Variants in CLVS2 observed in about 807,000 individuals in gnomAD.
CLVS2 encodes clavesin 2.
CLVS2 carries 19 observed loss-of-function variants against 29.0 expected under a neutral mutation model. That is an observed-to-expected ratio of 0.66 (90% confidence interval 0.46 to 0.96). The LOEUF (loss-of-function observed/expected upper bound fraction) is 0.96, where lower values mean the gene tolerates loss of function less well. Ranked by LOEUF, CLVS2 falls within the 40% of genes least tolerant of loss-of-function variation. The pLI, the probability that CLVS2 is intolerant of heterozygous loss-of-function variation, is 0.00. For missense variants in CLVS2, 294 were observed against 404.1 expected, an observed-to-expected ratio of 0.73 and a Z score of 2.34; for synonymous variants, 161 against 151.3, an observed-to-expected ratio of 1.06 and a Z score of -0.47.
intron 3 of CLVS2, among the ~76,000 whole-genome samples, chr6:123,031,609 C>G (rs1166486042): frequency 6.6e-6 from 1 of 152,102 alleles, no homozygotes; most frequent in Non-Finnish European, 1.5e-5. Flanking sequence ...CTGTGTCTAC[C>G]AAAACCCTAA....
At chr6:123,010,082 G>A (rs149561013) in intron 2 of CLVS2, among the ~76,000 whole-genome samples, 1 of 151,970 alleles carries the variant, frequency 6.6e-6, no homozygotes, top group Non-Finnish European at 1.5e-5. Flanking sequence ...ATTTTACTAT[G>A]TATTCAGGCT....
chr6:123,032,406 T>C (rs1280195284), intron 3 of CLVS2, among the ~76,000 whole-genome samples: 1 of 152,056 alleles, frequency 6.6e-6, no homozygotes, highest in East Asian at 1.9e-4. Flanking sequence ...TTTATAATGA[T>C]ACTTACTTTA....
intron 3 of CLVS2, among the ~76,000 whole-genome samples, chr6:123,027,022 G>T (rs1775012118): frequency 1.3e-5 from 2 of 152,120 alleles, no homozygotes; most frequent in Admixed American, 1.3e-4. Context: ...GAAACAGCAT[G>T]AGCTAAGGTA....
At chr6:123,049,422 C>T (rs1279452642) in intron 4 of CLVS2, among the ~76,000 whole-genome samples, 4 of 152,042 alleles carry the variant, frequency 2.6e-5, no homozygotes, top group Admixed American at 1.3e-4. Context: ...GTACATTTCA[C>T]TAATTCTTGC....
chr6:123,032,091 T>C (rs1336002953), intron 3 of CLVS2, among the ~76,000 whole-genome samples: 5 of 152,220 alleles, frequency 3.3e-5, no homozygotes, highest in African/African-American at 4.8e-5. Context: ...GTTGCAGCGC[T>C]AATATCCTAG....
chr6:122,997,874 G>C lies in CLVS2; in HGVS notation c.97G>C (p.Glu33Gln), dbSNP rs1231212984. ...NPDTLHQDIQEVRDMVITRPD... is the reference protein window; with the variant it reads ...NPDTLHQDIQQVRDMVITRPD... Reference sequence around the variant, plus strand: ...AGACACGCTGCACCAGGACATCCAGGAGGTGAGGGATATGGTCATCACCAG... The same window carrying C: ...AGACACGCTGCACCAGGACATCCAGCAGGTGAGGGATATGGTCATCACCAG... Residue 33 changes from glutamate (E) to glutamine (Q), a missense_variant, in exon 2 of 6, where the codon GAG (glutamate) becomes CAG (glutamine). Transcript: ENST00000275162. 3 of 1,614,080 alleles carry C rather than the reference G, an allele frequency of 1.9e-6. No individual in the cohort carries two copies. The highest frequency in any genetic ancestry group is 2.5e-6 in the Non-Finnish European group (3 of 1,180,046).
At position 122,999,353 on chromosome 6, in the gene CLVS2, AT is replaced by A. The variant is rs202217058; in HGVS notation, c.389+1194del. Among the ~76,000 whole-genome samples the A allele has an allele frequency of 3.9e-5, 6 of 151,998 alleles. No individual in the cohort carries two copies. In the East Asian group the frequency reaches 9.6e-4, roughly 24 times the overall value. On this transcript the variant is annotated intron_variant, in intron 2 of 5. Transcript: ENST00000275162. ...TTATTTTTTCTCTCATTTTATTGTG[AT>A]TTTTTTCCCTGTAATTCTAGGTTGA...
chr6:123,035,534 A>G (rs776368287), intron 3 of CLVS2, among the ~76,000 whole-genome samples: 1 of 152,156 alleles, frequency 6.6e-6, no homozygotes, highest in Non-Finnish European at 1.5e-5. Flanking sequence ...TACACTATCT[A>G]TTCTAAAAAG....
chr6:123,024,240 G>T (rs1306422629), intron 3 of CLVS2, among the ~76,000 whole-genome samples: 1 of 152,082 alleles, frequency 6.6e-6, no homozygotes, highest in African/African-American at 2.4e-5. Flanking sequence ...CTTCCATGTT[G>T]TAAGAAAATG....
intron 3 of CLVS2, among the ~76,000 whole-genome samples, chr6:123,034,253 T>C (rs1665592609): frequency 1.3e-5 from 2 of 152,134 alleles, no homozygotes; most frequent in South Asian, 4.1e-4. Context: ...CAAAAACTTG[T>C]ACACAGACAT....
intron 3 of CLVS2, among the ~76,000 whole-genome samples, chr6:123,045,146 C>T (rs1156932017): frequency 2.0e-5 from 3 of 150,596 alleles, no homozygotes; most frequent in Non-Finnish European, 3.0e-5. Context: ...TTTTGGGACA[C>T]ACACACACAC....
chr6:123,020,531 A>G (rs1450248260), intron 3 of CLVS2, among the ~76,000 whole-genome samples: 1 of 152,068 alleles, frequency 6.6e-6, no homozygotes, highest in African/African-American at 2.4e-5. Context: ...AATGAATACT[A>G]GCTGCTACAA....
chr6:123,041,165 A>C (rs1030048223), intron 3 of CLVS2, among the ~76,000 whole-genome samples: 3 of 152,142 alleles, frequency 2.0e-5, no homozygotes, highest in Admixed American at 6.6e-5. Context: ...ATAAAGAAAA[A>C]CTTGAAGGAC....
intron 3 of CLVS2, among the ~76,000 whole-genome samples, chr6:123,011,647 T>A (rs1774749055): frequency 6.6e-6 from 1 of 151,848 alleles, no homozygotes; most frequent in Non-Finnish European, 1.5e-5. Context: ...CTTCATTGGG[T>A]TTTTTTGTGA....
chr6:123,062,012 C>T (rs1772786914), intron 5 of CLVS2, among the ~76,000 whole-genome samples: 1 of 152,082 alleles, frequency 6.6e-6, no homozygotes, highest in Non-Finnish European at 1.5e-5. Context: ...GGCTAGAAGT[C>T]AAGACATGAA....
Position 123,061,922 on chromosome 6 carries a change from A to G in CLVS2, c.897-1752A>G, listed in dbSNP as rs370253329. Among the ~76,000 whole-genome samples, 6 of 152,222 alleles carry G rather than the reference A, an allele frequency of 3.9e-5. No homozygotes were observed. In the East Asian group the frequency reaches 1.2e-3, roughly 29 times the overall value. On this transcript the variant is annotated intron_variant, in intron 5 of 5. Coordinates refer to ENST00000275162, the MANE Select transcript of CLVS2 (RefSeq NM_001010852.4). The stretch of plus-strand genomic sequence containing the variant: ...ATTTATTTTCTATAAAGAAAACAGA[A>G]TTGCTTTCTTTATTATCCTCATTAC...
intron 3 of CLVS2, among the ~76,000 whole-genome samples, chr6:123,046,651 T>C (rs1230916867): frequency 1.2e-5 from 1 of 83,020 alleles, no homozygotes; most frequent in Non-Finnish European, 2.3e-5. Flanking sequence ...GGAGTGAAAC[T>C]CAGTCTCAAA....
At chr6:123,024,831 C>T (rs553729433) in intron 3 of CLVS2, among the ~76,000 whole-genome samples, 8 of 152,030 alleles carry the variant, frequency 5.3e-5, no homozygotes, top group Admixed American at 2.0e-4. Context: ...GCATAGGGGA[C>T]GCCTAGTACT....
Position 123,042,377 on chromosome 6 carries a change from C to T in CLVS2, c.565-6245C>T, listed in dbSNP as rs925499648. 1.3e-4 allele frequency among the ~76,000 whole-genome samples: 19 copies of T among 151,942 alleles called. No individual in the cohort carries two copies. The East Asian group carries it at 2.7e-3, about 22-fold the overall frequency. ...ATATCAGACTAACTACTTCTTTTTT[C>T]GGGTGAAATTTGGCTTCTACACAAT... On this transcript the variant is annotated intron_variant, in intron 3 of 5. Transcript: ENST00000275162.
Sources: allele counts gnomAD v4.1 joint callset (sites outside exome capture counted in the v4.1 genomes callset), GRCh38; gene constraint gnomAD v4.1.1; transcripts MANE v1.5; gene names NCBI Gene and HGNC (gene_info 2026-07-23, HGNC 2026-07-21).